SNX24: variants seen among roughly 807,000 people sequenced by gnomAD.
SNX24 encodes sorting nexin-24.
Under a neutral mutation model 28.7 loss-of-function variants are expected in SNX24, and 22 were observed. The observed-to-expected ratio is 0.77, with a 90% CI of 0.55 to 1.10. SNX24 has a LOEUF of 1.10. Among genes scored for constraint, SNX24 ranks in the 50% least tolerant of loss-of-function variants. The pLI is 0.00. For synonymous variants in SNX24, 69 were observed against 71.5 expected (o/e 0.96, Z 0.18); for missense variants, 221 against 201.1 (o/e 1.10, Z -0.60).
intron 1 of SNX24, among the ~76,000 whole-genome samples, chr5:122,910,992 G>A (rs552123547): frequency 6.6e-6 from 1 of 152,278 alleles, no homozygotes; most frequent in South Asian, 2.1e-4. Context: ...CCAGTAATGG[G>A]ATGGCTGGGT....
intron 6 of SNX24, 67 bp from the exon 7 acceptor site, chr5:123,007,615 T>C: frequency 7.3e-7 from 1 of 1,372,848 alleles, no homozygotes; most frequent in Non-Finnish European, 1.0e-6. Context: ...AGAATGCAAT[T>C]ATATTTTGTT....
In SNX24 at chr5:123,025,527, A is replaced by G. The variant is rs1036104399; in HGVS notation, n.384-3711A>G. Among the ~76,000 whole-genome samples the G allele has an allele frequency of 6.6e-5, 10 of 152,312 alleles. No individual in the cohort carries two copies. In the South Asian group the frequency reaches 1.7e-3, roughly 25 times the overall value. ...GTCCTGGTATATATTGGTTCCATTA[A>G]AAAGGGCTTTACATTTATATCAAGT... On this transcript the variant is annotated intron_variant and non_coding_transcript_variant, in intron 5 of 5. Coordinates refer to the SNX24 transcript ENST00000502387.
chr5:122,899,722 A>G (rs886398894), intron 1 of SNX24, among the ~76,000 whole-genome samples: 5 of 152,096 alleles, frequency 3.3e-5, no homozygotes, highest in African/African-American at 1.2e-4. Flanking sequence ...TCTGTTGAAT[A>G]GTAAAAAGTT....
At chr5:122,936,849 CTA>C (rs1561624078) in intron 2 of SNX24, 32 bp downstream of exon 2, 2 of 1,382,744 alleles carry the variant, frequency 1.4e-6, no homozygotes, top group South Asian at 2.4e-5. Context: ...TGTCTTTTCT[CTA>C]TGTGGCAGAT....
chr5:123,013,786 C>T (rs1290803416), downstream of SNX24, among the ~76,000 whole-genome samples: 1 of 152,062 alleles, frequency 6.6e-6, no homozygotes. Flanking sequence ...TTAGATACTC[C>T]TATGAACTCC....
chr5:122,883,452 A>G (rs1282072116), intron 1 of SNX24, among the ~76,000 whole-genome samples: 4 of 152,144 alleles, frequency 2.6e-5, no homozygotes, highest in Non-Finnish European at 5.9e-5. Flanking sequence ...CCTAGATACT[A>G]TTACCATTAC....
intron 5 of SNX24, among the ~76,000 whole-genome samples, chr5:123,016,729 G>A (rs116331244): frequency 2.0e-5 from 3 of 152,104 alleles, no homozygotes; most frequent in Non-Finnish European, 4.4e-5. Context: ...AAGGTAAAGG[G>A]AAGGGAGGAA....
chr5:122,897,082 T>G (rs916901848), intron 1 of SNX24, among the ~76,000 whole-genome samples: 16 of 152,200 alleles, frequency 1.1e-4, no homozygotes, highest in Non-Finnish European at 1.6e-4. Context: ...AATATTATAT[T>G]TAAGTGTCAT....
intron 1 of SNX24, among the ~76,000 whole-genome samples, chr5:122,924,731 C>G (rs373250195): frequency 3.1e-4 from 47 of 152,118 alleles, no homozygotes; most frequent in Middle Eastern, 3.4e-3. Context: ...ATCACCAGAC[C>G]TAAGAAAGTA....
At chr5:122,949,067 A>G (rs1759820874) in intron 3 of SNX24, among the ~76,000 whole-genome samples, 1 of 152,234 alleles carries the variant, frequency 6.6e-6, no homozygotes, top group African/African-American at 2.4e-5. Flanking sequence ...TAACTTAAAA[A>G]CAAGAAAGGT....
chr5:122,940,842 G>A (rs1310586126), intron 2 of SNX24, among the ~76,000 whole-genome samples: 1 of 152,190 alleles, frequency 6.6e-6, no homozygotes, highest in African/African-American at 2.4e-5. Flanking sequence ...CAAAGTGTTG[G>A]GATTACAGGC....
intron 1 of SNX24, among the ~76,000 whole-genome samples, chr5:122,862,554 AT>A (rs1755515687): frequency 6.7e-6 from 1 of 148,224 alleles, no homozygotes; most frequent in Non-Finnish European, 1.5e-5. Flanking sequence ...GTGAGCCGAG[AT>A]TGCGCCACTG....
intron 2 of SNX24, among the ~76,000 whole-genome samples, chr5:122,937,136 A>AGT (rs1759213861): frequency 6.6e-6 from 1 of 152,232 alleles, no homozygotes; most frequent in Non-Finnish European, 1.5e-5. Flanking sequence ...AAATGCACTT[A>AGT]ATGTTCCTTA....
At chr5:122,982,047 C>T (rs1342090422) in intron 3 of SNX24, among the ~76,000 whole-genome samples, 2 of 152,208 alleles carry the variant, frequency 1.3e-5, no homozygotes, top group Non-Finnish European at 2.9e-5. Flanking sequence ...GTGCCTTTGT[C>T]ATTTCCTTTG....
intron 1 of SNX24, among the ~76,000 whole-genome samples, chr5:122,878,319 A>C (rs1756323248): frequency 6.6e-6 from 1 of 152,110 alleles, no homozygotes; most frequent in Non-Finnish European, 1.5e-5. Context: ...CAGAGAGGTC[A>C]GGAGAATGAG....
downstream of SNX24, among the ~76,000 whole-genome samples, chr5:123,011,401 G>T (rs1762575544): frequency 1.3e-5 from 2 of 152,000 alleles, no homozygotes; most frequent in African/African-American, 2.4e-5. Flanking sequence ...CCTTGTTACT[G>T]CCCCCATTAC....
chr5:122,913,567 G>T (rs1418875649), intron 1 of SNX24, among the ~76,000 whole-genome samples: 2 of 151,656 alleles, frequency 1.3e-5, no homozygotes, highest in Admixed American at 6.6e-5. Flanking sequence ...TGGGCGGAGG[G>T]GCTCCTCACT....
chr5:122,957,256 A>G (rs1237367374), intron 3 of SNX24, among the ~76,000 whole-genome samples: 1 of 152,170 alleles, frequency 6.6e-6, no homozygotes, highest in Non-Finnish European at 1.5e-5. Context: ...TTCCTAGCAC[A>G]ATTTGTTGAA....
At chr5:122,975,263 A>G (rs961313258) in intron 3 of SNX24, among the ~76,000 whole-genome samples, 10 of 151,994 alleles carry the variant, frequency 6.6e-5, no homozygotes. Flanking sequence ...CTTTAGCTCA[A>G]TCCTCCTTGA....
Sources: gnomAD v4.1 joint callset for allele counts (sites outside exome capture counted in the v4.1 genomes callset) on GRCh38, gnomAD v4.1.1 for gene constraint, MANE v1.5 for transcripts, NCBI Gene and HGNC (gene_info 2026-07-23, HGNC 2026-07-21) for gene names.